Variants in MEIKIN observed in about 807,000 individuals in gnomAD.
The protein encoded by MEIKIN is meiosis-specific kinetochore protein.
intron 10 of MEIKIN, among the ~76,000 whole-genome samples, chr5:131,852,958 C>G (rs1167690783): frequency 6.6e-6 from 1 of 152,042 alleles, no homozygotes; most frequent in Non-Finnish European, 1.5e-5. Flanking sequence ...AAATGAGACA[C>G]TCATTTTCTG....
chr5:131,870,570 T>C (rs1441097488), intron 9 of MEIKIN, among the ~76,000 whole-genome samples: 1 of 152,196 alleles, frequency 6.6e-6, no homozygotes, highest in Non-Finnish European at 1.5e-5. Flanking sequence ...CCAATGGCCT[T>C]CTCAACATTT....
chr5:131,848,107 C>A (rs929189756), intron 11 of MEIKIN, among the ~76,000 whole-genome samples: 3 of 151,972 alleles, frequency 2.0e-5, no homozygotes, highest in Admixed American at 2.0e-4. Flanking sequence ...CCTAACTTTA[C>A]AACTTAAGGA....
At chr5:131,861,039 G>T (rs776079650) in intron 9 of MEIKIN, among the ~76,000 whole-genome samples, 24 of 151,942 alleles carry the variant, frequency 1.6e-4, no homozygotes, top group South Asian at 1.0e-3. Context: ...TGTGATTACA[G>T]GCATGAGCCA....
intron 9 of MEIKIN, among the ~76,000 whole-genome samples, chr5:131,868,731 A>G (rs1750433808): frequency 6.6e-6 from 1 of 151,874 alleles, no homozygotes; most frequent in South Asian, 2.1e-4. Context: ...AAAAAAAAAA[A>G]AAATGTTGCC....
chr5:131,808,792 T>C (rs538600765), intron 12 of MEIKIN, among the ~76,000 whole-genome samples: 1 of 152,310 alleles, frequency 6.6e-6, no homozygotes, highest in Non-Finnish European at 1.5e-5. Flanking sequence ...AAAGTAAATT[T>C]GGGCCAAGTG....
intron 8 of MEIKIN, among the ~76,000 whole-genome samples, chr5:131,899,763 A>G (rs1038925848): frequency 6.6e-6 from 1 of 152,210 alleles, no homozygotes; most frequent in Non-Finnish European, 1.5e-5. Context: ...TTCAGCAAGA[A>G]GATGTAATAA....
intron 8 of MEIKIN, among the ~76,000 whole-genome samples, chr5:131,907,736 G>A (rs1238164876): frequency 2.0e-5 from 3 of 151,876 alleles, no homozygotes; most frequent in Non-Finnish European, 4.4e-5. Flanking sequence ...GCCGGGCGTG[G>A]TGGCATGCGC....
At chr5:131,898,223 T>G (rs1389456646) in intron 8 of MEIKIN, among the ~76,000 whole-genome samples, 1 of 152,222 alleles carries the variant, frequency 6.6e-6, no homozygotes, top group East Asian at 1.9e-4. Context: ...TGCCTGGGTA[T>G]CACCAGCAGA....
In MEIKIN at chr5:131,945,183, T is replaced by TG. The variant is rs1751941234; in HGVS notation, c.172dup (p.Gln58ProfsTer4). 1 of 399,130 alleles carries TG rather than the reference T, an allele frequency of 2.5e-6. No individual in the cohort carries two copies. Among genetic ancestry groups the TG allele is most frequent in the South Asian group, 1.3e-4 (1 of 7,872 alleles). 24.7% of individuals were successfully genotyped at this position (399,130 alleles called of 1,614,324 possible). A position where few individuals can be genotyped will look rare whatever the true frequency, so the allele number is the denominator to read the frequency against. ...GAACGGCCCAGAGCCGCTACCTCCC[T>TG]GCCTGCTCCGCTCTGCTTTCTCTGC... On this transcript the variant is annotated frameshift_variant, in exon 2 of 13. Transcript: ENST00000442687. LOFTEE classifies it high-confidence loss of function.
At chr5:131,854,383 G>T (rs752918331) in intron 10 of MEIKIN, among the ~76,000 whole-genome samples, 5 of 152,030 alleles carry the variant, frequency 3.3e-5, no homozygotes, top group Admixed American at 6.6e-5. Context: ...TTTCAGTTTT[G>T]CAAGATGAAA....
At chr5:131,859,822 G>A (rs991902748) in intron 9 of MEIKIN, among the ~76,000 whole-genome samples, 2 of 152,108 alleles carry the variant, frequency 1.3e-5, no homozygotes, top group Admixed American at 6.5e-5. Context: ...CCTTTCCCCC[G>A]TGTATGTTCT....
chr5:131,841,361 G>C (rs1749905986), intron 11 of MEIKIN, among the ~76,000 whole-genome samples: 1 of 152,168 alleles, frequency 6.6e-6, no homozygotes, highest in South Asian at 2.1e-4. Flanking sequence ...CAGCAGTGTG[G>C]TGGGGCACAT....
chr5:131,931,552 C>T (rs1403261031), intron 5 of MEIKIN, among the ~76,000 whole-genome samples: 1 of 152,184 alleles, frequency 6.6e-6, no homozygotes, highest in Non-Finnish European at 1.5e-5. Flanking sequence ...CCTTATCTTG[C>T]TCTTCCCCTC....
intron 9 of MEIKIN, among the ~76,000 whole-genome samples, chr5:131,858,972 T>G (rs1750239243): frequency 6.6e-6 from 1 of 152,242 alleles, no homozygotes; most frequent in African/African-American, 2.4e-5. Flanking sequence ...TATCCACTGC[T>G]GGTGGGAATA....
intron 9 of MEIKIN, among the ~76,000 whole-genome samples, chr5:131,877,111 A>C (rs1429914076): frequency 6.6e-6 from 1 of 152,280 alleles, no homozygotes; most frequent in Non-Finnish European, 1.5e-5. Context: ...ACAAACCTGC[A>C]CATTGTGCAC....
intron 8 of MEIKIN, among the ~76,000 whole-genome samples, chr5:131,882,003 C>T (rs1240678121): frequency 2.0e-5 from 3 of 152,278 alleles, no homozygotes; most frequent in East Asian, 3.9e-4. Flanking sequence ...CCCTATAGTG[C>T]TCCCATCTCA....
intron 9 of MEIKIN, among the ~76,000 whole-genome samples, chr5:131,872,967 C>G (rs887661463): frequency 6.6e-6 from 1 of 152,200 alleles, no homozygotes; most frequent in Non-Finnish European, 1.5e-5. Context: ...TTGTCACCAC[C>G]AGGCCTGCCC....
At chr5:131,913,201 G>A (rs10051653) in intron 7 of MEIKIN, among the ~76,000 whole-genome samples, 55,064 of 151,964 alleles carry the variant, frequency 0.36, 11,966 homozygotes, top group African/African-American at 0.62. Context: ...CTTTGATGAT[G>A]GAACCTCCAG....
chr5:131,810,620 C>T (rs191569208), intron 12 of MEIKIN, among the ~76,000 whole-genome samples: 4 of 152,278 alleles, frequency 2.6e-5, no homozygotes, highest in Admixed American at 2.0e-4. Context: ...GGTTCCTGTG[C>T]CATCTCTAGA....
Sources: gnomAD v4.1 joint callset for allele counts (sites outside exome capture counted in the v4.1 genomes callset) on GRCh38, gnomAD v4.1.1 for gene constraint, MANE v1.5 for transcripts, NCBI Gene and HGNC (gene_info 2026-07-23, HGNC 2026-07-21) for gene names.